SEM1: variants seen among roughly 807,000 people sequenced by gnomAD.
SEM1 encodes SEM1 26S proteasome subunit.
A neutral mutation model predicts 12.7 loss-of-function variants in SEM1; 3 were observed. The observed-to-expected ratio is 0.24, with a 90% CI of 0.11 to 0.61. SEM1 has a LOEUF of 0.61. Among genes scored for constraint, SEM1 ranks in the 20% least tolerant of loss-of-function variants. The pLI, the probability that SEM1 is intolerant of heterozygous loss-of-function variation, is 0.88. For synonymous variants in SEM1, 30 were observed against 27.8 expected (o/e 1.08, Z -0.25); for missense variants, 59 against 81.3 (o/e 0.73, Z 1.06).
intron 2 of SEM1, among the ~76,000 whole-genome samples, chr7:96,592,886 A>T (rs1298506878): frequency 6.6e-6 from 1 of 151,846 alleles, no homozygotes; most frequent in Non-Finnish European, 1.5e-5. Flanking sequence ...GTAAAGAAGG[A>T]ACGGAGAAAG....
intron 2 of SEM1, among the ~76,000 whole-genome samples, chr7:96,554,748 T>C (rs1243898876): frequency 2.0e-5 from 3 of 150,842 alleles, no homozygotes; most frequent in African/African-American, 7.3e-5. Context: ...TTTCTATTGA[T>C]TGGAATAGTT....
At chr7:96,544,369 T>G (rs1805042039) in intron 2 of SEM1, among the ~76,000 whole-genome samples, 1 of 152,058 alleles carries the variant, frequency 6.6e-6, no homozygotes, top group African/African-American at 2.4e-5. Context: ...TCTACCCTGC[T>G]TTTTTAAATA....
chr7:96,547,419 T>A (rs11972202), intron 2 of SEM1, among the ~76,000 whole-genome samples: 1 of 151,952 alleles, frequency 6.6e-6, no homozygotes, highest in Non-Finnish European at 1.5e-5. Context: ...ATGCCATTCA[T>A]GGTCCAAAGG....
At chr7:96,683,629 C>T (rs1441098346) in intron 2 of SEM1, among the ~76,000 whole-genome samples, 1 of 152,140 alleles carries the variant, frequency 6.6e-6, no homozygotes, top group African/African-American at 2.4e-5. Flanking sequence ...TTGGAACCAA[C>T]CCAAATGGCC....
intron 1 of SEM1, among the ~76,000 whole-genome samples, chr7:96,704,276 C>T (rs1790374936): frequency 6.6e-6 from 1 of 151,922 alleles, no homozygotes; most frequent in Admixed American, 6.6e-5. Context: ...AAACATTTAA[C>T]GTTGGTTATC....
At chr7:96,484,943 A>G in intron 2 of SEM1, 1 of 747,838 alleles carries the variant, frequency 1.3e-6, no homozygotes, top group Non-Finnish European at 2.0e-6. Flanking sequence ...ACCATATCCT[A>G]CAGTCAGCTG....
chr7:96,661,636 TG>T (rs1379561932), intron 2 of SEM1, among the ~76,000 whole-genome samples: 2 of 152,128 alleles, frequency 1.3e-5, no homozygotes, highest in Admixed American at 6.6e-5. Context: ...GACTTTTATA[TG>T]GCAAAAGTAA....
At chr7:96,596,363 ATCTGGCTTTTAGGTGT>A (rs1295553592) in intron 2 of SEM1, among the ~76,000 whole-genome samples, 6 of 152,304 alleles carry the variant, frequency 3.9e-5, no homozygotes, top group African/African-American at 1.4e-4. Flanking sequence ...AAGAGCTTGC[ATCTGGCTTTTAGGTGT>A]GAAGCAAGGA....
At chr7:96,664,413 T>C (rs1789107186) in intron 2 of SEM1, 1 of 152,232 alleles carries the variant, frequency 6.6e-6, no homozygotes, top group Admixed American at 6.5e-5. Flanking sequence ...GCCTCCAGAT[T>C]CTTCTGCTTT....
chr7:96,513,947 A>G (rs974173271), intron 2 of SEM1, among the ~76,000 whole-genome samples: 1 of 152,140 alleles, frequency 6.6e-6, no homozygotes, highest in Admixed American at 6.6e-5. Flanking sequence ...TTTAATAAAT[A>G]TATTGTGGAC....
chr7:96,554,788 T>A (rs1288717083), intron 2 of SEM1, among the ~76,000 whole-genome samples: 1 of 151,686 alleles, frequency 6.6e-6, no homozygotes, highest in Non-Finnish European at 1.5e-5. Flanking sequence ...TTCCTCCTTG[T>A]ACCTCTGGTA....
intron 2 of SEM1, among the ~76,000 whole-genome samples, chr7:96,663,122 C>A (rs1584845635): frequency 6.8e-6 from 1 of 146,630 alleles, no homozygotes; most frequent in Non-Finnish European, 1.5e-5. Context: ...TAATATGACG[C>A]AGAACTTGCT....
chr7:96,709,092 G>A (rs1790562718), intron 1 of SEM1, among the ~76,000 whole-genome samples: 3 of 152,158 alleles, frequency 2.0e-5, no homozygotes, highest in Admixed American at 1.3e-4. Context: ...TGCGATTACA[G>A]GCGTGAGCCA....
At chr7:96,597,572 T>C (rs918222493) in intron 2 of SEM1, among the ~76,000 whole-genome samples, 3 of 152,074 alleles carry the variant, frequency 2.0e-5, no homozygotes, top group East Asian at 3.9e-4. Flanking sequence ...ATTCTTCCCA[T>C]AGATTCATCA....
chr7:96,496,284 C>A, exon 1 of SEM1: 1 of 1,517,174 alleles, frequency 6.6e-7, no homozygotes, highest in Non-Finnish European at 8.9e-7. Flanking sequence ...CAGTTCCTAC[C>A]TGGCAATACA....
At chr7:96,662,417 G>A (rs113037905) in intron 2 of SEM1, among the ~76,000 whole-genome samples, 2,166 of 152,180 alleles carry the variant, frequency 0.014, 43 homozygotes, top group African/African-American at 0.05. Context: ...ACTAACACAG[G>A]AACAGAAAAC....
chr7:96,524,324 G>A (rs892272250), intron 2 of SEM1, among the ~76,000 whole-genome samples: 3 of 152,252 alleles, frequency 2.0e-5, no homozygotes, highest in African/African-American at 4.8e-5. Context: ...GAACTCCTGC[G>A]ATGATGTCAG....
intron 2 of SEM1, among the ~76,000 whole-genome samples, chr7:96,554,914 G>A (rs771089720): frequency 7.4e-6 from 1 of 135,744 alleles, no homozygotes; most frequent in Non-Finnish European, 1.6e-5. Context: ...CTTTTTCCTG[G>A]TTTAGTCTTG....
chr7:96,585,019 G>A (rs527344398), intron 2 of SEM1, among the ~76,000 whole-genome samples: 2,524 of 151,090 alleles, frequency 0.017, 84 homozygotes, highest in African/African-American at 0.058. Context: ...GAGGAACTGC[G>A]TTCCTTTGGA....
Sources: allele counts gnomAD v4.1 joint callset (sites outside exome capture counted in the v4.1 genomes callset), GRCh38; gene constraint gnomAD v4.1.1; transcripts MANE v1.5; gene names NCBI Gene and HGNC (gene_info 2026-07-23, HGNC 2026-07-21).